Variants in C10orf90 observed in about 807,000 individuals in gnomAD.
The protein encoded by C10orf90 is (E2-independent) E3 ubiquitin-conjugating enzyme FATS.
In C10orf90, 56 loss-of-function variants were observed where a neutral mutation model predicts 62.5. That is an observed-to-expected ratio of 0.90 (90% CI 0.72 to 1.12). The LOEUF is 1.12. C10orf90 is among the 50% of genes most tolerant of loss of function. The probability of loss-of-function intolerance (pLI) is 0.00; values close to 1 mark genes in which losing one functional copy is unlikely to be tolerated. For synonymous variants in C10orf90, 386 were observed against 340.4 expected, an observed-to-expected ratio of 1.13 and a Z score of -1.47; for missense variants, 970 against 880.4, an observed-to-expected ratio of 1.10 and a Z score of -1.29.
intron 4 of C10orf90, chr10:126,502,556 T>C (rs1862464607): frequency 1.1e-5 from 2 of 188,720 alleles, no homozygotes; most frequent in African/African-American, 4.8e-5. Flanking sequence ...TCCTCTGAGA[T>C]GAGTGTATGA....
intron 2 of C10orf90, among the ~76,000 whole-genome samples, chr10:126,580,669 A>ACATTAAGAC (rs1844729810): frequency 6.8e-6 from 1 of 146,660 alleles, no homozygotes; most frequent in African/African-American, 2.6e-5. Flanking sequence ...AAAAAAAAAG[A>ACATTAAGAC]CATTAAGACA....
intron 1 of C10orf90, among the ~76,000 whole-genome samples, chr10:126,652,737 AAAT>A (rs1846315615): frequency 6.6e-6 from 1 of 152,218 alleles, no homozygotes; most frequent in Non-Finnish European, 1.5e-5. Context: ...TAGGCATGTT[AAAT>A]ACCCAGTTAC....
intron 4 of C10orf90, among the ~76,000 whole-genome samples, chr10:126,501,165 G>A (rs1353511804): frequency 6.6e-6 from 1 of 152,172 alleles, no homozygotes; most frequent in Non-Finnish European, 1.5e-5. Context: ...CAGTCTGAAA[G>A]CTCTTGCATT....
At chr10:126,636,926 T>A (rs976460514) in intron 2 of C10orf90, among the ~76,000 whole-genome samples, 2 of 152,040 alleles carry the variant, frequency 1.3e-5, no homozygotes, top group Non-Finnish European at 2.9e-5. Context: ...CTGTGCAGTG[T>A]TTTCCTGATA....
chr10:126,640,422 A>T (rs17155087), intron 2 of C10orf90, among the ~76,000 whole-genome samples: 13 of 152,354 alleles, frequency 8.5e-5, no homozygotes, highest in Non-Finnish European at 1.8e-4. Flanking sequence ...AATGGCTCCA[A>T]TAGCTTCTTC....
At chr10:126,474,167 G>A (rs1238745266) in intron 4 of C10orf90, among the ~76,000 whole-genome samples, 1 of 152,170 alleles carries the variant, frequency 6.6e-6, no homozygotes, top group South Asian at 2.1e-4. Flanking sequence ...TGAGGAGCAG[G>A]ACCTGTTACA....
intron 2 of C10orf90, among the ~76,000 whole-genome samples, chr10:126,606,701 A>G (rs2134049649): frequency 6.6e-6 from 1 of 152,298 alleles, no homozygotes; most frequent in Admixed American, 6.5e-5. Flanking sequence ...CCCCGGATGA[A>G]AGTAGAACTA....
chr10:126,458,934 A>G, intron 7 of C10orf90, 106 bp downstream of exon 7: 1 of 1,205,482 alleles, frequency 8.3e-7, no homozygotes, highest in Non-Finnish European at 1.1e-6. Context: ...GGTTCTGCGT[A>G]TGTCAGTGGC....
intron 7 of C10orf90, among the ~76,000 whole-genome samples, chr10:126,439,296 C>T (rs1395221336): frequency 6.6e-6 from 1 of 152,170 alleles, no homozygotes; most frequent in African/African-American, 2.4e-5. Context: ...TTCTCACACT[C>T]ACCCAAAAAG....
At chr10:126,562,193 G>A (rs1012651413) in intron 2 of C10orf90, among the ~76,000 whole-genome samples, 1 of 152,180 alleles carries the variant, frequency 6.6e-6, no homozygotes, top group Non-Finnish European at 1.5e-5. Context: ...GAGGGAGAAT[G>A]CGGCCCTCAT....
intron 2 of C10orf90, among the ~76,000 whole-genome samples, chr10:126,642,906 C>T (rs757846840): frequency 3.3e-5 from 5 of 152,290 alleles, no homozygotes; most frequent in African/African-American, 4.8e-5. Flanking sequence ...GAGTTCCCTA[C>T]CTTATGAATG....
At chr10:126,461,666 G>T in intron 5 of C10orf90, 81 bp from the exon 6 acceptor site, 1 of 1,320,138 alleles carries the variant, frequency 7.6e-7, no homozygotes, top group East Asian at 2.6e-5. Flanking sequence ...AGACACAGAA[G>T]ACAATTTTGA....
chr10:126,585,802 C>G (rs970089087), intron 2 of C10orf90, among the ~76,000 whole-genome samples: 1 of 152,170 alleles, frequency 6.6e-6, no homozygotes, highest in African/African-American at 2.4e-5. Flanking sequence ...TGCTATAAAC[C>G]ACTGGTTCTC....
At chr10:126,550,275 G>A (rs929027779) in intron 2 of C10orf90, among the ~76,000 whole-genome samples, 16 of 152,040 alleles carry the variant, frequency 1.1e-4, no homozygotes, top group East Asian at 3.9e-4. Flanking sequence ...CATTCTTGAC[G>A]TGACAAAATT....
intron 2 of C10orf90, among the ~76,000 whole-genome samples, chr10:126,558,098 G>T (rs1165492107): frequency 6.6e-6 from 1 of 152,110 alleles, no homozygotes; most frequent in Non-Finnish European, 1.5e-5. Flanking sequence ...ATATTGTGGT[G>T]CTGTATTTGC....
At chr10:126,458,554 A>G (rs1859732656) in intron 7 of C10orf90, among the ~76,000 whole-genome samples, 1 of 152,236 alleles carries the variant, frequency 6.6e-6, no homozygotes, top group African/African-American at 2.4e-5. Context: ...CCTCCCTCAC[A>G]GGATCAGTGT....
At chr10:126,666,714 C>T (rs1846634496) in intron 1 of C10orf90, among the ~76,000 whole-genome samples, 1 of 152,018 alleles carries the variant, frequency 6.6e-6, no homozygotes, top group Admixed American at 6.6e-5. Flanking sequence ...CACGGTGGCT[C>T]ACACCTGTAA....
intron 3 of C10orf90, 116 bp from the exon 4 acceptor site, chr10:126,505,201 T>G: frequency 9.2e-7 from 1 of 1,089,834 alleles, no homozygotes. Flanking sequence ...CTCAGATGTC[T>G]TGTCCAAGGC....
At chr10:126,542,987 T>A (rs12780232) in intron 2 of C10orf90, among the ~76,000 whole-genome samples, 1 of 152,100 alleles carries the variant, frequency 6.6e-6, no homozygotes, top group Non-Finnish European at 1.5e-5. Context: ...TTAAAAACTG[T>A]CAAATGTGTG....
Sources: allele counts gnomAD v4.1 joint callset (sites outside exome capture counted in the v4.1 genomes callset), GRCh38; gene constraint gnomAD v4.1.1; transcripts MANE v1.5; gene names NCBI Gene and HGNC (gene_info 2026-07-23, HGNC 2026-07-21).